Variants in ADGRL3 observed in about 807,000 individuals in gnomAD.
The protein encoded by ADGRL3 is adhesion G protein-coupled receptor L3.
Under a neutral mutation model 153.5 loss-of-function variants are expected in ADGRL3, and 62 were observed. The ratio of observed to expected loss-of-function variants is 0.40; its 90% CI spans 0.33 to 0.50. The LOEUF (loss-of-function observed/expected upper bound fraction) is 0.50. ADGRL3 is among the 20% of genes least tolerant of loss of function. The probability of loss-of-function intolerance (pLI) is 0.47; values close to 1 mark genes in which losing one functional copy is unlikely to be tolerated. For missense variants in ADGRL3, 1,641 were observed against 1,859.4 expected (o/e 0.88, Z 2.16); for synonymous variants, 710 against 672.5 (o/e 1.06, Z -0.86).
chr4:61,719,435 C>A (rs1022935722), intron 6 of ADGRL3, among the ~76,000 whole-genome samples: 1 of 151,978 alleles, frequency 6.6e-6, no homozygotes, highest in African/African-American at 2.4e-5. Flanking sequence ...CAGGAGGAAC[C>A]ACATGAGAAA....
intron 2 of ADGRL3, chr4:61,420,163 T>G (rs2097187425): frequency 6.6e-6 from 1 of 152,140 alleles, no homozygotes; most frequent in Non-Finnish European, 1.5e-5. Context: ...CATGACAACA[T>G]AATAAAACAT....
At chr4:61,284,847 T>G (rs958957528) in intron 1 of ADGRL3, among the ~76,000 whole-genome samples, 14 of 151,768 alleles carry the variant, frequency 9.2e-5, no homozygotes, top group African/African-American at 3.1e-4. Flanking sequence ...CAAAGATATT[T>G]TTCATGCCTC....
chr4:61,673,763 A>G (rs13115278), intron 5 of ADGRL3, among the ~76,000 whole-genome samples: 53,359 of 150,784 alleles, frequency 0.35, 9,938 homozygotes, highest in East Asian at 0.53. Flanking sequence ...CAGAGATTGA[A>G]TCTACCTTTT....
intron 9 of ADGRL3, among the ~76,000 whole-genome samples, chr4:61,821,488 G>A (rs909968676): frequency 1.3e-5 from 2 of 151,718 alleles, no homozygotes; most frequent in Non-Finnish European, 2.9e-5. Context: ...TCAGCCTCCC[G>A]AGTAGCTGGG....
intron 21 of ADGRL3, among the ~76,000 whole-genome samples, chr4:62,006,126 C>G (rs1382261159): frequency 6.7e-6 from 1 of 149,300 alleles, no homozygotes; most frequent in Non-Finnish European, 1.5e-5. Context: ...CATCCACCTC[C>G]TGGATTTAAG....
intron 3 of ADGRL3, among the ~76,000 whole-genome samples, chr4:61,511,000 C>T (rs548423860): frequency 7.9e-5 from 12 of 152,090 alleles, no homozygotes; most frequent in African/African-American, 2.2e-4. Flanking sequence ...AGATGGATTC[C>T]TAGATTTTTT....
chr4:61,745,853 A>G (rs1051674435), intron 8 of ADGRL3, among the ~76,000 whole-genome samples: 1 of 152,184 alleles, frequency 6.6e-6, no homozygotes, highest in Non-Finnish European at 1.5e-5. Context: ...AAATTCACAC[A>G]TAACAATATT....
intron 6 of ADGRL3, among the ~76,000 whole-genome samples, chr4:61,697,693 TA>T (rs2095667019): frequency 6.6e-6 from 1 of 152,082 alleles, no homozygotes; most frequent in African/African-American, 2.4e-5. Flanking sequence ...TAAAAATAGG[TA>T]AAAACATCCA....
chr4:61,329,147 C>T (rs1037499436), intron 1 of ADGRL3, among the ~76,000 whole-genome samples: 7 of 152,010 alleles, frequency 4.6e-5, no homozygotes, highest in African/African-American at 7.2e-5. Flanking sequence ...TGAAAGGATG[C>T]GTATTTAAAA....
At chr4:61,307,322 A>G (rs1385948355) in intron 1 of ADGRL3, among the ~76,000 whole-genome samples, 1 of 152,172 alleles carries the variant, frequency 6.6e-6, no homozygotes, top group Admixed American at 6.5e-5. Context: ...CAATTCTGAG[A>G]TATTATGTCT....
intron 17 of ADGRL3, among the ~76,000 whole-genome samples, chr4:61,959,527 A>G (rs2150461314): frequency 6.6e-6 from 1 of 152,184 alleles, no homozygotes; most frequent in Admixed American, 6.6e-5. Context: ...GTTTAAAGCC[A>G]TTGTATTTCT....
At chr4:61,260,394 G>A (rs72633462) in intron 1 of ADGRL3, among the ~76,000 whole-genome samples, 18,516 of 152,220 alleles carry the variant, frequency 0.12, 1,240 homozygotes, top group Middle Eastern at 0.18. Context: ...ATAATGAAAT[G>A]GATAGAGTCT....
At chr4:61,262,298 G>A (rs1440766319) in intron 1 of ADGRL3, among the ~76,000 whole-genome samples, 4 of 152,070 alleles carry the variant, frequency 2.6e-5, no homozygotes, top group African/African-American at 9.7e-5. Flanking sequence ...TATGCTGAGT[G>A]TCTGATCATA....
chr4:62,024,941 A>AT (rs1479744937), intron 21 of ADGRL3, among the ~76,000 whole-genome samples: 1 of 151,796 alleles, frequency 6.6e-6, no homozygotes, highest in Admixed American at 6.6e-5. Context: ...AAAAAAAAAA[A>AT]AAAAAAAATT....
At chr4:61,220,311 C>T (rs1266747759) in intron 1 of ADGRL3, among the ~76,000 whole-genome samples, 1 of 151,988 alleles carries the variant, frequency 6.6e-6, no homozygotes, top group Non-Finnish European at 1.5e-5. Context: ...ATAGGACAAG[C>T]TCTAATAACT....
At chr4:61,517,613 T>C (rs2098505294) in intron 4 of ADGRL3, 95 bp downstream of exon 4, 1 of 664,920 alleles carries the variant, frequency 1.5e-6, no homozygotes, top group South Asian at 1.6e-5. Context: ...TGTCTTCTTG[T>C]AAGTTTACTG....
intron 9 of ADGRL3, among the ~76,000 whole-genome samples, chr4:61,828,285 A>G (rs1384167637): frequency 6.6e-6 from 1 of 152,192 alleles, no homozygotes; most frequent in East Asian, 1.9e-4. Flanking sequence ...AACCATCCTA[A>G]GACACAACAC....
At chr4:61,363,999 A>G (rs927496450) in intron 1 of ADGRL3, among the ~76,000 whole-genome samples, 1 of 152,032 alleles carries the variant, frequency 6.6e-6, no homozygotes, top group African/African-American at 2.4e-5. Context: ...TGGTCAAATA[A>G]TAAATAATAT....
At chr4:61,800,350 G>A (rs1561273280) in intron 8 of ADGRL3, among the ~76,000 whole-genome samples, 1 of 152,110 alleles carries the variant, frequency 6.6e-6, no homozygotes, top group Non-Finnish European at 1.5e-5. Flanking sequence ...TTATCATCAC[G>A]AAATTCAGGA....
Sources: allele counts gnomAD v4.1 joint callset (sites outside exome capture counted in the v4.1 genomes callset), GRCh38; gene constraint gnomAD v4.1.1; transcripts MANE v1.5; gene names NCBI Gene and HGNC (gene_info 2026-07-23, HGNC 2026-07-21).